The following TCF20 variants were observed in gnomAD, a reference collection of about 807,000 sequenced individuals.
The protein encoded by TCF20 is SPRE-binding protein.
In TCF20, 3 loss-of-function variants were observed where a neutral mutation model predicts 148.6. The ratio of observed to expected loss-of-function variants is 0.02; its 90% CI spans 0.01 to 0.05. TCF20 has a LOEUF of 0.05. Among genes scored for constraint, TCF20 ranks in the 10% least tolerant of loss-of-function variants. The pLI is 1.00. For synonymous variants in TCF20, 1,049 were observed against 909.5 expected, an observed-to-expected ratio of 1.15 and a Z score of -2.76; for missense variants, 2,350 against 2,429.3, an observed-to-expected ratio of 0.97 and a Z score of 0.69.
chr22:42,304,298 T>G (rs1204671457), intron 1 of TCF20, among the ~76,000 whole-genome samples: 1 of 152,118 alleles, frequency 6.6e-6, no homozygotes. Flanking sequence ...ATTCCATAAA[T>G]AGAGCACAGA....
At chr22:42,305,790 C>G (rs934092815) in intron 1 of TCF20, among the ~76,000 whole-genome samples, 12 of 152,098 alleles carry the variant, frequency 7.9e-5, no homozygotes, top group African/African-American at 2.7e-4. Flanking sequence ...ATCCCTGGAC[C>G]TCCCACCCCA....
chr22:42,204,163 TA>T (rs1481297922), intron 2 of TCF20, among the ~76,000 whole-genome samples: 10 of 152,226 alleles, frequency 6.6e-5, no homozygotes, highest in Non-Finnish European at 1.2e-4. Flanking sequence ...ATGGGGGAAG[TA>T]AATAATTATC....
rs1339781553 is a variant in TCF20, at chr22:42,214,644, G to A, written c.662C>T (p.Ala221Val). The change falls in exon 2 of 6, where the codon GCT (alanine) becomes GTT (valine). Residue 221 changes from alanine (A) to valine (V), a missense_variant. Transcript: ENST00000677622. Reference sequence around the variant, plus strand: ...ACCCACTCTTAACTGGTAACCAGCAGCAGAGGATGGCAGAGTTGAGGGCCG... The same window carrying A: ...ACCCACTCTTAACTGGTAACCAGCAACAGAGGATGGCAGAGTTGAGGGCCG... ...MQRPSTLPSS[A>V]AGYQLRVGQF... 6.2e-6 allele frequency: 10 copies of A among 1,614,064 alleles called. No homozygotes were observed. Among genetic ancestry groups the A allele is most frequent in the Non-Finnish European group, 8.5e-6 (10 of 1,180,054 alleles).
intron 1 of TCF20, among the ~76,000 whole-genome samples, chr22:42,247,486 C>T (rs1035476839): frequency 1.3e-5 from 2 of 150,328 alleles, no homozygotes; most frequent in Non-Finnish European, 3.0e-5. Flanking sequence ...AAAGAGGACA[C>T]GGACCCAGAC....
chr22:42,179,585 C>G (rs772078335), intron 3 of TCF20, 24 bp downstream of exon 3: 1 of 1,555,306 alleles, frequency 6.4e-7, no homozygotes, highest in Non-Finnish European at 8.9e-7. Context: ...ATGCTCTGGA[C>G]AAGGGTCTGT....
Position 42,168,598 on chromosome 22 carries a change from C to T in TCF20, c.*44+11G>A. Reference sequence around the variant, plus strand: ...GGGCAGGATGCAGGGAGCCCGGTGGCCCCGACTCACCTGTGCTTGCTGTCC... The same window carrying T: ...GGGCAGGATGCAGGGAGCCCGGTGGTCCCGACTCACCTGTGCTTGCTGTCC... On this transcript the variant is annotated intron_variant, in intron 5 of 5. Transcript: ENST00000677622. The T allele has an allele frequency of 6.4e-7, 1 of 1,552,720 alleles. No individual in the cohort carries two copies. The highest frequency in any genetic ancestry group is 8.7e-7 in the Non-Finnish European group (1 of 1,151,252).
chr22:42,188,284 A>C (rs1937144295), intron 2 of TCF20, among the ~76,000 whole-genome samples: 1 of 97,394 alleles, frequency 1.0e-5, no homozygotes, highest in African/African-American at 4.4e-5. Context: ...CAAGAGTGAA[A>C]CTCCGTCTCA....
chr22:42,166,169 A>G (rs575347979), intron 5 of TCF20, among the ~76,000 whole-genome samples: 69 of 152,370 alleles, frequency 4.5e-4, no homozygotes, highest in Non-Finnish European at 7.9e-4. Context: ...TTTCAGATGG[A>G]CAGGACTGGA....
At chr22:42,180,134 G>A (rs990774611) in intron 2 of TCF20, among the ~76,000 whole-genome samples, 17 of 152,116 alleles carry the variant, frequency 1.1e-4, no homozygotes, top group African/African-American at 4.1e-4. Context: ...AGGTAGTAGA[G>A]TTATATATAA....
chr22:42,251,008 A>C (rs1262218165), intron 1 of TCF20, among the ~76,000 whole-genome samples: 1 of 152,144 alleles, frequency 6.6e-6, no homozygotes, highest in African/African-American at 2.4e-5. Flanking sequence ...ATGGTACTAA[A>C]CCATTCATGA....
upstream of TCF20, among the ~76,000 whole-genome samples, chr22:42,286,682 G>A (rs530156010): frequency 1.3e-4 from 20 of 152,312 alleles, no homozygotes; most frequent in Non-Finnish European, 2.6e-4. Flanking sequence ...AAGAAAGTGC[G>A]CTTCAGGGGA....
intron 5 of TCF20, among the ~76,000 whole-genome samples, chr22:42,164,188 T>C (rs980380669): frequency 6.6e-6 from 1 of 151,506 alleles, no homozygotes; most frequent in Non-Finnish European, 1.5e-5. Context: ...AGCCCTTTTT[T>C]CCCTGGGATG....
At chr22:42,239,924 G>A (rs1924245949) in intron 1 of TCF20, among the ~76,000 whole-genome samples, 3 of 152,180 alleles carry the variant, frequency 2.0e-5, no homozygotes, top group African/African-American at 7.2e-5. Flanking sequence ...GCTCAATGCA[G>A]GGTTGCAATA....
At chr22:42,202,025 C>A (rs1042376430) in intron 2 of TCF20, among the ~76,000 whole-genome samples, 3 of 152,156 alleles carry the variant, frequency 2.0e-5, no homozygotes, top group Non-Finnish European at 4.4e-5. Context: ...ACCTCACACC[C>A]TGCCACCCTT....
At chr22:42,227,415 C>A (rs1220108614) in intron 1 of TCF20, among the ~76,000 whole-genome samples, 1 of 152,198 alleles carries the variant, frequency 6.6e-6, no homozygotes, top group African/African-American at 2.4e-5. Context: ...TTCCTGACCC[C>A]TTTGAGAGCA....
chr22:42,331,985 G>A (rs1342498763), intron 1 of TCF20, among the ~76,000 whole-genome samples: 1 of 152,238 alleles, frequency 6.6e-6, no homozygotes, highest in South Asian at 2.1e-4. Context: ...GCTATCACAT[G>A]TCAGGTGCTC....
Position 42,299,964 on chromosome 22 carries a change from G to A in TCF20, c.-37+43515C>T, listed in dbSNP as rs1181120250. On this transcript the variant is annotated intron_variant, in intron 1 of 1. Coordinates refer to the TCF20 transcript ENST00000515426. This position sits in a 1 kb window ranked among gnomAD's most constrained non-coding sequence, Gnocchi z 4.1. ...AGGAGAGGAGGGGAAGGAAGGGCGGGGAGGGGGAGGGGGAGGGGCGCGCTG... is the reference window on the plus strand; with the variant it reads ...AGGAGAGGAGGGGAAGGAAGGGCGGAGAGGGGGAGGGGGAGGGGCGCGCTG... 4.1e-5 allele frequency among the ~76,000 whole-genome samples: 6 copies of A among 146,036 alleles called. No individual in the cohort carries two copies. Among genetic ancestry groups the A allele is most frequent in the African/African-American group, 7.6e-5 (3 of 39,682 alleles).
intron 1 of TCF20, among the ~76,000 whole-genome samples, chr22:42,309,011 G>A (rs766033360): frequency 4.6e-5 from 7 of 152,094 alleles, no homozygotes; most frequent in Non-Finnish European, 8.8e-5. Flanking sequence ...CAGGGAACAC[G>A]CCGGTGCCTG....
intron 2 of TCF20, among the ~76,000 whole-genome samples, chr22:42,209,207 A>G (rs1252982516): frequency 2.6e-5 from 4 of 152,232 alleles, no homozygotes; most frequent in African/African-American, 9.6e-5. Flanking sequence ...CTTTCTCACA[A>G]AACTACTAAA....
Sources: allele counts gnomAD v4.1 joint callset (sites outside exome capture counted in the v4.1 genomes callset), GRCh38; gene constraint gnomAD v4.1.1; non-coding constraint Gnocchi (gnomAD v3.1); transcripts MANE v1.5; gene names NCBI Gene and HGNC (gene_info 2026-07-23, HGNC 2026-07-21).